The following KICS2 variants were observed in gnomAD, a reference collection of about 807,000 sequenced individuals.
KICS2 encodes KICSTOR complex protein C12orf66.
In KICS2, 13 loss-of-function variants were observed where a neutral mutation model predicts 31.4. The observed-to-expected ratio is 0.41, with a 90% CI of 0.27 to 0.66. KICS2 has a LOEUF of 0.66. Ranked by LOEUF, KICS2 falls within the 30% of genes least tolerant of loss-of-function variation. The probability of loss-of-function intolerance (pLI) is 0.28; values close to 1 mark genes in which losing one functional copy is unlikely to be tolerated. For missense variants in KICS2, 455 were observed against 545.4 expected (o/e 0.83, Z 1.65); for synonymous variants, 209 against 214.8 (o/e 0.97, Z 0.24).
At chr12:64,197,546 C>T (rs1409176721) in intron 2 of KICS2, among the ~76,000 whole-genome samples, 4 of 150,914 alleles carry the variant, frequency 2.7e-5, no homozygotes, top group Non-Finnish European at 5.9e-5. Flanking sequence ...CATCAACTAA[C>T]GAGCAATATC....
At chr12:64,187,512 C>A (rs190750803), downstream of KICS2, 48 of 888,200 alleles carry the variant, frequency 5.4e-5, no homozygotes, top group African/African-American at 7.9e-4. Flanking sequence ...TGAAACCTTA[C>A]GGATTTACAC....
intron 2 of KICS2, among the ~76,000 whole-genome samples, chr12:64,207,848 T>G (rs1289827871): frequency 1.3e-5 from 2 of 152,120 alleles, no homozygotes; most frequent in Non-Finnish European, 2.9e-5. Context: ...TGATACATGA[T>G]AGAACAACAA....
chr12:64,208,810 C>T (rs577806091), intron 2 of KICS2, among the ~76,000 whole-genome samples: 75 of 151,182 alleles, frequency 5.0e-4, no homozygotes, highest in African/African-American at 1.6e-3. Flanking sequence ...ATTGCCATAC[C>T]GTAGAGATTT....
chr12:64,212,112 A>G (rs2037587511), intron 2 of KICS2, among the ~76,000 whole-genome samples: 1 of 151,374 alleles, frequency 6.6e-6, no homozygotes. Context: ...AAGGTGAAGG[A>G]CAGTTATATG....
intron 2 of KICS2, among the ~76,000 whole-genome samples, chr12:64,203,597 C>T (rs542075736): frequency 2.0e-5 from 3 of 152,038 alleles, no homozygotes; most frequent in African/African-American, 4.8e-5. Context: ...ATGAAACGGA[C>T]GCTTCTCACA....
At chr12:64,195,908 C>T (rs1256680230) in intron 2 of KICS2, among the ~76,000 whole-genome samples, 2 of 152,206 alleles carry the variant, frequency 1.3e-5, no homozygotes, top group Non-Finnish European at 2.9e-5. Context: ...TAAAAAACGG[C>T]GCACCACGAG....
At chr12:64,194,860 T>C (rs1470075578) in intron 2 of KICS2, among the ~76,000 whole-genome samples, 2 of 152,200 alleles carry the variant, frequency 1.3e-5, no homozygotes, top group African/African-American at 4.8e-5. Flanking sequence ...CAACATCATA[T>C]TCTCCTGTGG....
At chr12:64,201,385 C>G (rs1479379950) in intron 2 of KICS2, among the ~76,000 whole-genome samples, 2 of 95,496 alleles carry the variant, frequency 2.1e-5, no homozygotes, top group African/African-American at 8.5e-5. Flanking sequence ...TATTCTCACT[C>G]ATAGGTGGGA....
Position 64,193,217 on chromosome 12 carries a change from T to C in KICS2, c.*625A>G. ...CAAAAGAACCCATGGCTATTAAAGC[T>C]GCCATGAGGATCTTCTGAACTGTTA... On this transcript the variant is annotated 3_prime_UTR_variant, in exon 3 of 3. Coordinates refer to ENST00000398055, the MANE Select transcript of KICS2 (RefSeq NM_152440.5). 2 of 985,534 alleles carry C rather than the reference T, an allele frequency of 2.0e-6. No homozygotes were observed. The highest frequency in any genetic ancestry group is 2.4e-6 in the Non-Finnish European group (2 of 830,012). 61.0% of individuals were successfully genotyped at this position (985,534 alleles called of 1,614,324 possible).
chr12:64,216,035 T>A, intron 1 of KICS2, 72 bp from the exon 2 acceptor site: 2 of 1,405,002 alleles, frequency 1.4e-6, no homozygotes, highest in Non-Finnish European at 1.9e-6. Context: ...CCTACCAACA[T>A]GCAAAAGCAA....
intron 2 of KICS2, among the ~76,000 whole-genome samples, chr12:64,212,227 T>A (rs895673120): frequency 6.6e-6 from 1 of 152,190 alleles, no homozygotes; most frequent in Admixed American, 6.5e-5. Flanking sequence ...ATTTGCAGAA[T>A]TGCGCAACCA....
Position 64,193,754 on chromosome 12 carries a change from A to C in KICS2, c.*88T>G. ...TTAGTTCTGAAAGAGGCATGAATGG[A>C]TGTAAACTCTATTCACAGACCACCG... On this transcript the variant is annotated 3_prime_UTR_variant, in exon 3 of 3. Transcript: ENST00000398055. 6.8e-7 allele frequency: 1 copy of C among 1,476,608 alleles called. No individual in the cohort carries two copies. The highest frequency in any genetic ancestry group is 9.0e-7 in the Non-Finnish European group (1 of 1,115,382). The allele number at this position is 1,476,608 out of a possible 1,614,324, so 91.5% of individuals were successfully genotyped here. A position where few individuals can be genotyped will look rare whatever the true frequency, so the allele number is the denominator to read the frequency against.
intron 1 of KICS2, among the ~76,000 whole-genome samples, chr12:64,218,504 C>T (rs1362509788): frequency 6.6e-6 from 1 of 152,156 alleles, no homozygotes; most frequent in Non-Finnish European, 1.5e-5. Context: ...ATACTAATTC[C>T]TTTCCCTTCT....
rs1565722280 is a variant in KICS2, at chr12:64,222,251, CA to C, written c.-15del. 1.9e-6 allele frequency: 3 copies of C among 1,612,322 alleles called. No homozygotes were observed. Among genetic ancestry groups the C allele is most frequent in the Middle Eastern group, 1.7e-4 (1 of 6,008 alleles). On this transcript the variant is annotated 5_prime_UTR_variant, in exon 1 of 3. Transcript: ENST00000398055. ...AGACTCCCCCATGCGAGCTGCGCCC[CA>C]GCTCGACCCACGTGGCTCTCCTCGG...
intron 1 of KICS2, among the ~76,000 whole-genome samples, chr12:64,219,396 G>A (rs201075946): frequency 6.6e-6 from 1 of 152,138 alleles, no homozygotes; most frequent in African/African-American, 2.4e-5. Flanking sequence ...TTAAAGGAAA[G>A]AGAAGGAACC....
chr12:64,218,271 A>G lies in KICS2; in HGVS notation c.236-2308T>C, dbSNP rs115430532. Among the ~76,000 whole-genome samples the G allele has an allele frequency of 9.4e-3, 1,436 of 152,318 alleles. 25 individuals carry two copies. Among genetic ancestry groups the G allele is most frequent in the African/African-American group, 0.033 (1,358 of 41,552 alleles). ...CTAGGATAAAACCTCTCGGCTTAGG[A>G]GGGTAATAAGAGTATCATATAAAAC... On this transcript the variant is annotated intron_variant, in intron 1 of 2. Coordinates refer to ENST00000398055, the MANE Select transcript of KICS2 (RefSeq NM_152440.5).
intron 2 of KICS2, among the ~76,000 whole-genome samples, chr12:64,213,087 C>CAAAAAAAAAAA (rs1235001391): frequency 2.9e-5 from 2 of 69,004 alleles, no homozygotes; most frequent in African/African-American, 5.7e-5. Flanking sequence ...GAGACAAACT[C>CAAAAAAAAAAA]AAAAAAAAAA....
intron 2 of KICS2, among the ~76,000 whole-genome samples, chr12:64,195,086 C>A (rs1373976671): frequency 6.6e-6 from 1 of 152,058 alleles, no homozygotes; most frequent in African/African-American, 2.4e-5. Flanking sequence ...AGAACATAGG[C>A]ACACACTCCA....
chr12:64,195,767 G>A (rs1175305403), intron 2 of KICS2, among the ~76,000 whole-genome samples: 2 of 152,278 alleles, frequency 1.3e-5, no homozygotes, highest in Non-Finnish European at 2.9e-5. Context: ...GCCGAAGCAG[G>A]GCGAGGCATT....
Sources: allele counts gnomAD v4.1 joint callset (sites outside exome capture counted in the v4.1 genomes callset), GRCh38; gene constraint gnomAD v4.1.1; transcripts MANE v1.5; gene names NCBI Gene and HGNC (gene_info 2026-07-23, HGNC 2026-07-21).